The following SFRP1 variants were observed in gnomAD, a reference collection of about 807,000 sequenced individuals.
SFRP1 encodes secreted frizzled-related protein 1.
Under a neutral mutation model 25.9 loss-of-function variants are expected in SFRP1, and 9 were observed. The observed-to-expected ratio is 0.35, with a 90% CI of 0.21 to 0.61. The LOEUF (loss-of-function observed/expected upper bound fraction) is 0.61, where lower values mean the gene tolerates loss of function less well. Ranked by LOEUF, SFRP1 falls within the 20% of genes least tolerant of loss-of-function variation. SFRP1 has a pLI of 0.78. For missense variants in SFRP1, 346 were observed against 418.2 expected (o/e 0.83, Z 1.51); for synonymous variants, 178 against 174.0 (o/e 1.02, Z -0.18).
At chr8:41,301,142 T>G (rs1803911354) in intron 2 of SFRP1, among the ~76,000 whole-genome samples, 1 of 152,142 alleles carries the variant, frequency 6.6e-6, no homozygotes, top group African/African-American at 2.4e-5. Flanking sequence ...CCCAGGGAAA[T>G]GCACCCCTTG....
At position 41,275,692 on chromosome 8, in the gene SFRP1, C is replaced by T. The variant is rs139461958; in HGVS notation, c.623-10203G>A. On this transcript the variant is annotated intron_variant, in intron 2 of 2. Coordinates refer to ENST00000220772, the MANE Select transcript of SFRP1 (RefSeq NM_003012.5). ...TAATTTTTTGTATTTTTAGTAGAGA[C>T]GGGGTTTCACCACGTTAGCTAGGAT... is the stretch of plus-strand genomic sequence containing the variant. 7.4e-3 allele frequency among the ~76,000 whole-genome samples: 1,124 copies of T among 151,944 alleles called. 13 individuals are homozygous for T. The highest frequency in any genetic ancestry group is 0.01 in the Non-Finnish European group (713 of 67,966).
At chr8:41,305,483 T>C (rs1169904602) in intron 1 of SFRP1, among the ~76,000 whole-genome samples, 2 of 152,196 alleles carry the variant, frequency 1.3e-5, no homozygotes, top group Non-Finnish European at 2.9e-5. Flanking sequence ...TCAGCTTTTC[T>C]AACGGCTGAC....
At chr8:41,294,191 T>C (rs1458949478) in intron 2 of SFRP1, among the ~76,000 whole-genome samples, 1 of 152,164 alleles carries the variant, frequency 6.6e-6, no homozygotes, top group African/African-American at 2.4e-5. Flanking sequence ...CAGGAGGGAA[T>C]GCGCTCTCTA....
intron 1 of SFRP1, 39 bp downstream of exon 1, chr8:41,308,577 G>GA (rs751681888): frequency 4.0e-6 from 6 of 1,492,292 alleles, no homozygotes. Flanking sequence ...CCGGGGGATG[G>GA]AGGGGGCGGC....
intron 1 of SFRP1, 51 bp from the exon 2 acceptor site, chr8:41,303,589 G>A (rs901110003): frequency 2.7e-6 from 4 of 1,479,346 alleles, no homozygotes; most frequent in Non-Finnish European, 3.8e-6. Flanking sequence ...GAGCAGGAAG[G>A]GAGCAGCCCC....
rs1157145061 is a variant in SFRP1, at chr8:41,263,348, G to A, written c.*1819C>T. ...GCACTTTACGATGAAAGGTCAGAGA[G>A]AACCCCACAAAAAAGGTGTTAAAAG... On this transcript the variant is annotated 3_prime_UTR_variant, in exon 3 of 3. Transcript: ENST00000220772. 1 of 152,414 alleles carries A rather than the reference G, an allele frequency of 6.6e-6. No homozygotes were observed. The highest frequency in any genetic ancestry group is 2.4e-5 in the African/African-American group (1 of 41,438). The allele number at this position is 152,414 out of a possible 1,614,324, so 9.4% of individuals were successfully genotyped here.
chr8:41,297,244 A>G (rs1803855028), intron 2 of SFRP1, among the ~76,000 whole-genome samples: 1 of 152,048 alleles, frequency 6.6e-6, no homozygotes, highest in Non-Finnish European at 1.5e-5. Context: ...GGGTTTCGCC[A>G]TTTTGGCCAG....
chr8:41,290,588 C>T (rs1435922517), intron 2 of SFRP1, among the ~76,000 whole-genome samples: 2 of 152,156 alleles, frequency 1.3e-5, no homozygotes, highest in East Asian at 3.9e-4. Flanking sequence ...ACAGGTGTCC[C>T]GGGGGCACTG....
At chr8:41,304,810 C>G (rs2117521429) in intron 1 of SFRP1, among the ~76,000 whole-genome samples, 1 of 152,200 alleles carries the variant, frequency 6.6e-6, no homozygotes, top group African/African-American at 2.4e-5. Flanking sequence ...AAACAGGGTC[C>G]CTGCAGGGCC....
intron 1 of SFRP1, among the ~76,000 whole-genome samples, chr8:41,306,545 A>G (rs1803999207): frequency 6.6e-6 from 1 of 152,014 alleles, no homozygotes; most frequent in African/African-American, 2.4e-5. Context: ...GCAGGAAATC[A>G]CGTGGGGCTC....
Position 41,262,887 on chromosome 8 carries a change from A to T in SFRP1, c.*2280T>A, listed in dbSNP as rs946821928. On this transcript the variant is annotated 3_prime_UTR_variant, in exon 3 of 3. Coordinates refer to ENST00000220772, the MANE Select transcript of SFRP1 (RefSeq NM_003012.5). ...AAAACCTTCAATAAAGTAACTAATG[A>T]CACTCAAGGTCCTGGGACTCTGAGA... 19 of 152,204 alleles carry T rather than the reference A, an allele frequency of 1.2e-4. No homozygotes were observed. The highest frequency in any genetic ancestry group is 4.3e-4 in the African/African-American group (18 of 41,454). 9.4% of individuals were successfully genotyped at this position (152,204 alleles called of 1,614,324 possible).
intron 2 of SFRP1, among the ~76,000 whole-genome samples, chr8:41,285,439 C>T (rs956583770): frequency 1.3e-5 from 2 of 152,134 alleles, no homozygotes; most frequent in Non-Finnish European, 2.9e-5. Flanking sequence ...CAAATGCAAG[C>T]AAGCCACTCC....
At chr8:41,282,933 T>G (rs1424502897) in intron 2 of SFRP1, among the ~76,000 whole-genome samples, 3 of 152,244 alleles carry the variant, frequency 2.0e-5, no homozygotes, top group Admixed American at 2.0e-4. Flanking sequence ...TTTAGAAATT[T>G]TGATTCATTT....
intron 2 of SFRP1, among the ~76,000 whole-genome samples, chr8:41,286,588 G>A (rs890074503): frequency 6.6e-6 from 1 of 152,130 alleles, no homozygotes; most frequent in African/African-American, 2.4e-5. Context: ...TTCCCAAAGA[G>A]TCACAGCCAC....
At chr8:41,297,069 G>C (rs1427281168) in intron 2 of SFRP1, among the ~76,000 whole-genome samples, 2 of 152,178 alleles carry the variant, frequency 1.3e-5, no homozygotes, top group Non-Finnish European at 2.9e-5. Flanking sequence ...TTTTGAGACA[G>C]AGTTTCGCTC....
Position 41,265,412 on chromosome 8 carries a change from T to G in SFRP1, c.700A>C (p.Lys234Gln), listed in dbSNP as rs754674465. 9 of 1,613,370 alleles carry G rather than the reference T, an allele frequency of 5.6e-6. No homozygotes were observed. Among genetic ancestry groups the G allele is most frequent in the Non-Finnish European group, 4.2e-6 (5 of 1,179,900 alleles). Residue 234 changes from lysine to glutamine, a missense_variant, in exon 3 of 3, where the codon AAG (lysine) becomes CAG (glutamine). Physicochemically the swap from Lys to Gln is moderately conservative, Grantham distance 53. Coordinates refer to ENST00000220772, the MANE Select transcript of SFRP1 (RefSeq NM_003012.5). Reference sequence around the variant, plus strand: ...TCCTTCTTCTTGATGGGCCCCAACTTCAGGGGCTTCTTCTTCTTGGGGACA... The same window carrying G: ...TCCTTCTTCTTGATGGGCCCCAACTGCAGGGGCTTCTTCTTCTTGGGGACA... ...KIVPKKKKPLKLGPIKKKDLK... is the reference protein window; with the variant it reads ...KIVPKKKKPLQLGPIKKKDLK...
At chr8:41,292,017 T>C (rs1245698442) in intron 2 of SFRP1, among the ~76,000 whole-genome samples, 1 of 152,110 alleles carries the variant, frequency 6.6e-6, no homozygotes, top group East Asian at 1.9e-4. Flanking sequence ...AGCTCCTACG[T>C]GGCCAGCCCG....
At chr8:41,306,859 A>G (rs1352666530) in intron 1 of SFRP1, 1 of 1,597,378 alleles carries the variant, frequency 6.3e-7, no homozygotes, top group Admixed American at 1.7e-5. Flanking sequence ...CCATCCCATC[A>G]CAGCCTTTTG....
intron 2 of SFRP1, among the ~76,000 whole-genome samples, chr8:41,289,362 G>A (rs922686869): frequency 1.3e-5 from 2 of 152,190 alleles, no homozygotes; most frequent in African/African-American, 4.8e-5. Context: ...CAGTAGCAGC[G>A]CAGAAATTAG....
Sources: allele counts gnomAD v4.1 joint callset (sites outside exome capture counted in the v4.1 genomes callset), GRCh38; gene constraint gnomAD v4.1.1; transcripts MANE v1.5; gene names NCBI Gene and HGNC (gene_info 2026-07-23, HGNC 2026-07-21).